Variants in ACTR2 observed in about 807,000 individuals in gnomAD.
The protein encoded by ACTR2 is actin-related protein 2.
In ACTR2, 5 loss-of-function variants were observed where a neutral mutation model predicts 50.2. The ratio of observed to expected loss-of-function variants is 0.10; its 90% CI spans 0.05 to 0.21. The LOEUF is 0.21. ACTR2 is among the 10% of genes least tolerant of loss of function. The pLI is 1.00. For synonymous variants in ACTR2, 140 were observed against 162.9 expected (o/e 0.86, Z 1.07); for missense variants, 180 against 480.6 (o/e 0.37, Z 5.85).
chr2:65,266,291 G>C (rs939198958), intron 8 of ACTR2, among the ~76,000 whole-genome samples: 1 of 152,178 alleles, frequency 6.6e-6, no homozygotes, highest in Admixed American at 6.5e-5. Context: ...ATCAGGAAAG[G>C]CCTTTTGGAT....
At chr2:65,257,309 A>T (rs10865349) in intron 6 of ACTR2, among the ~76,000 whole-genome samples, 1 of 151,984 alleles carries the variant, frequency 6.6e-6, no homozygotes, top group South Asian at 2.1e-4. Context: ...ATAGTATTCC[A>T]TGGTGTATAT....
At chr2:65,231,175 A>G (rs1671630750) in intron 1 of ACTR2, among the ~76,000 whole-genome samples, 1 of 152,168 alleles carries the variant, frequency 6.6e-6, no homozygotes, top group African/African-American at 2.4e-5. Flanking sequence ...AGTGAGTGTA[A>G]TTAATTCAAA....
At chr2:65,245,666 C>A (rs7558347) in intron 2 of ACTR2, among the ~76,000 whole-genome samples, 129,594 of 152,170 alleles carry the variant, frequency 0.85, 55,309 homozygotes, top group African/African-American at 0.89. Flanking sequence ...ATTATTTAAC[C>A]TCTTGACTAG....
rs1386750188 is a variant in ACTR2 at position 65,236,213 on chromosome 2, C to T, written c.49-3639C>T. On this transcript the variant is annotated intron_variant, in intron 1 of 8. Coordinates refer to ENST00000260641, the MANE Select transcript of ACTR2 (RefSeq NM_005722.4). ...AATTAGCTGGGCGTGGTGGCAGGCG[C>T]CTGTAGTCCCAGCTACTTGGGAGGC... 2.0e-5 allele frequency among the ~76,000 whole-genome samples: 3 copies of T among 151,982 alleles called. No homozygotes were observed. The East Asian group carries it at 5.8e-4, about 30-fold the overall frequency.
chr2:65,268,445 T>C, intron 8 of ACTR2, 119 bp from the exon 9 acceptor site: 1 of 747,254 alleles, frequency 1.3e-6, no homozygotes. Context: ...TATTACGTTC[T>C]ACTTATATTA....
intron 4 of ACTR2, 52 bp from the exon 5 acceptor site, chr2:65,253,675 CT>C: frequency 6.3e-7 from 1 of 1,587,336 alleles, no homozygotes; most frequent in Non-Finnish European, 8.6e-7. Flanking sequence ...AACTCGCTGG[CT>C]TTGGTTTTCC....
At chr2:65,260,262 C>CT (rs1309147044) in intron 6 of ACTR2, among the ~76,000 whole-genome samples, 1 of 152,186 alleles carries the variant, frequency 6.6e-6, no homozygotes, top group African/African-American at 2.4e-5. Flanking sequence ...AATCCCAACA[C>CT]TTTGGGAGGT....
chr2:65,266,641 T>C (rs928061081), intron 8 of ACTR2, among the ~76,000 whole-genome samples: 3 of 151,866 alleles, frequency 2.0e-5, no homozygotes, highest in African/African-American at 7.3e-5. Context: ...AATAGACTCT[T>C]GGGGGAAGAG....
At chr2:65,252,397 T>C (rs1297638984) in intron 4 of ACTR2, among the ~76,000 whole-genome samples, 3 of 152,030 alleles carry the variant, frequency 2.0e-5, no homozygotes, top group Non-Finnish European at 4.4e-5. Context: ...TCCCAGCACT[T>C]TGGGAGGCCG....
chr2:65,242,717 T>G (rs1304018428), intron 2 of ACTR2: 2 of 474,778 alleles, frequency 4.2e-6, no homozygotes, highest in Admixed American at 2.3e-5. Context: ...TTTATAACTA[T>G]AAGCTTGCTG....
chr2:65,268,912 A>G lies in ACTR2; in HGVS notation c.*178A>G. Reference sequence around the variant, plus strand: ...TGTTAAATTTTTGTTAATGTGGGTAAATCTGAGTTTAATTCAACTGCTTCC... The same window carrying G: ...TGTTAAATTTTTGTTAATGTGGGTAGATCTGAGTTTAATTCAACTGCTTCC... On this transcript the variant is annotated 3_prime_UTR_variant, in exon 9 of 9. Coordinates refer to ENST00000260641, the MANE Select transcript of ACTR2 (RefSeq NM_005722.4). 1 of 612,326 alleles carries G rather than the reference A, an allele frequency of 1.6e-6. No individual in the cohort carries two copies. The highest frequency in any genetic ancestry group is 2.1e-5 in the South Asian group (1 of 47,328). The allele number at this position is 612,326 out of a possible 1,614,324, so 37.9% of individuals were successfully genotyped here.
intron 1 of ACTR2, among the ~76,000 whole-genome samples, chr2:65,232,208 G>A (rs1671650993): frequency 6.6e-6 from 1 of 152,210 alleles, no homozygotes; most frequent in African/African-American, 2.4e-5. Flanking sequence ...GGCCCCTGGT[G>A]TTACGTGTCT....
At chr2:65,258,855 G>A (rs1335885895) in intron 6 of ACTR2, among the ~76,000 whole-genome samples, 2 of 152,142 alleles carry the variant, frequency 1.3e-5, no homozygotes, top group African/African-American at 4.8e-5. Context: ...AAGGCAGGAG[G>A]TTTTGCTAAT....
intron 3 of ACTR2, among the ~76,000 whole-genome samples, chr2:65,248,124 G>C (rs1459643250): frequency 6.6e-6 from 1 of 152,202 alleles, no homozygotes; most frequent in African/African-American, 2.4e-5. Flanking sequence ...TGGGCGGCTG[G>C]AAGTGGTGGT....
intron 2 of ACTR2, among the ~76,000 whole-genome samples, chr2:65,241,645 G>C (rs1186001214): frequency 6.6e-6 from 1 of 152,032 alleles, no homozygotes; most frequent in Non-Finnish European, 1.5e-5. Flanking sequence ...ACAACCCTGA[G>C]CTATCTAACA....
In ACTR2 at chr2:65,230,295, G is replaced by A. The variant is rs1381636256; in HGVS notation, c.48+2338G>A. 2.0e-5 allele frequency among the ~76,000 whole-genome samples: 3 copies of A among 151,208 alleles called. 1 individual carries two copies. Among genetic ancestry groups the A allele is most frequent in the Admixed American group, 2.0e-4 (3 of 15,168 alleles). On this transcript the variant is annotated intron_variant, in intron 1 of 8. Coordinates refer to ENST00000260641, the MANE Select transcript of ACTR2 (RefSeq NM_005722.4). ...ATACTCTTTTTAGAAAGTCAAGCCA[G>A]TTATATTTTAATGAATTCTTTTAGG... is the stretch of plus-strand genomic sequence containing the variant.
chr2:65,251,353 T>C (rs1672047271), intron 4 of ACTR2, among the ~76,000 whole-genome samples: 1 of 152,138 alleles, frequency 6.6e-6, no homozygotes, highest in Non-Finnish European at 1.5e-5. Context: ...GGATATTCTC[T>C]CTTTTAAGCT....
chr2:65,265,218 G>C (rs2104023017), intron 8 of ACTR2, 43 bp downstream of exon 8: 2 of 1,609,724 alleles, frequency 1.2e-6, no homozygotes, highest in East Asian at 4.5e-5. Context: ...TCTTTTAAAA[G>C]GCTATACAGT....
chr2:65,247,941 A>G (rs1361475776), intron 3 of ACTR2, among the ~76,000 whole-genome samples: 1 of 152,188 alleles, frequency 6.6e-6, no homozygotes, highest in Non-Finnish European at 1.5e-5. Flanking sequence ...TAGCCAGGGT[A>G]TATAGGAGAA....
Sources: gnomAD v4.1 joint callset for allele counts (sites outside exome capture counted in the v4.1 genomes callset) on GRCh38, gnomAD v4.1.1 for gene constraint, MANE v1.5 for transcripts, NCBI Gene and HGNC (gene_info 2026-07-23, HGNC 2026-07-21) for gene names.